Variants in USP34 observed in about 807,000 individuals in gnomAD.
USP34 encodes ubiquitin specific peptidase 34.
USP34 carries 70 observed loss-of-function variants against 460.3 expected under a neutral mutation model. That is an observed-to-expected ratio of 0.15 (90% CI 0.13 to 0.19). The LOEUF is 0.19. Among genes scored for constraint, USP34 ranks in the 10% least tolerant of loss-of-function variants. The probability of loss-of-function intolerance (pLI) is 1.00; values close to 1 mark genes in which losing one functional copy is unlikely to be tolerated. For synonymous variants in USP34, 1,647 were observed against 1,405.3 expected, an observed-to-expected ratio of 1.17 and a Z score of -3.85; for missense variants, 3,985 against 4,236.2, an observed-to-expected ratio of 0.94 and a Z score of 1.65.
At chr2:61,457,948 C>G (rs758669133) in intron 1 of USP34, among the ~76,000 whole-genome samples, 5 of 152,074 alleles carry the variant, frequency 3.3e-5, no homozygotes, top group African/African-American at 1.2e-4. Flanking sequence ...TTGATATATC[C>G]GAGAAAACAG....
intron 23 of USP34, 144 bp downstream of exon 23, chr2:61,317,510 G>C (rs1572929411): frequency 1.6e-6 from 1 of 644,708 alleles, no homozygotes; most frequent in Admixed American, 2.9e-5. Context: ...CTGAGCAACA[G>C]AGATAGACTC....
intron 18 of USP34, among the ~76,000 whole-genome samples, chr2:61,337,745 T>A (rs1691467302): frequency 6.6e-6 from 1 of 152,202 alleles, no homozygotes; most frequent in Non-Finnish European, 1.5e-5. Context: ...CATTAGCTAC[T>A]GCGCCCGGCC....
Position 61,278,272 on chromosome 2 carries a change from C to A in USP34, c.5326G>T (p.Asp1776Tyr). The A allele has an allele frequency of 6.2e-7, 1 of 1,613,468 alleles. No homozygotes were observed. Among genetic ancestry groups the A allele is most frequent in the South Asian group, 1.1e-5 (1 of 90,982 alleles). The stretch of plus-strand genomic sequence containing the variant: ...TCTTCTACATTACCATCCTGATGAT[C>A]AAGGATCTCCCTACTACAAAAAAGA... ...ADCIRSREIL[D>Y]HQDGNVEDDG... is the part of the protein sequence containing the mutation. The change falls in exon 41 of 80, where the codon GAT becomes TAT. Residue 1776 changes from aspartate (D) to tyrosine (Y), a missense_variant. By Grantham distance (160) the Asp-to-Tyr change is radical. Around this residue, in one of 14 missense-constraint regions of USP34, gnomAD observed 1,114 missense variants for 1,122.5 expected, o/e 0.99. Coordinates refer to ENST00000398571, the MANE Select transcript of USP34 (RefSeq NM_014709.4).
chr2:61,426,158 C>T (rs1221113853), intron 1 of USP34, among the ~76,000 whole-genome samples: 1 of 152,126 alleles, frequency 6.6e-6, no homozygotes, highest in East Asian at 1.9e-4. Context: ...CAGTGAGATT[C>T]AGCACATTAC....
rs192801542 is a variant in USP34 at position 61,331,390 on chromosome 2, A to C, written c.2835-19T>G. On this transcript the variant is annotated intron_variant, in intron 19 of 79. Coordinates refer to ENST00000398571, the MANE Select transcript of USP34 (RefSeq NM_014709.4). ...TGCCCACCTGGCCCAAATAAAAGAA[A>C]AAATAATTTTAAAGTGGGCAGGGTA... 7.1e-5 allele frequency: 113 copies of C among 1,601,018 alleles called. No homozygotes were observed. In the East Asian group the frequency reaches 2.4e-3, roughly 34 times the overall value.
intron 6 of USP34, among the ~76,000 whole-genome samples, chr2:61,383,059 T>TA (rs910607343): frequency 1.3e-5 from 2 of 151,890 alleles, no homozygotes; most frequent in African/African-American, 2.4e-5. Flanking sequence ...CATACTCATG[T>TA]AAAAAAAAGT....
intron 20 of USP34, among the ~76,000 whole-genome samples, chr2:61,327,546 T>C (rs1344605152): frequency 6.6e-6 from 1 of 152,240 alleles, no homozygotes; most frequent in Non-Finnish European, 1.5e-5. Context: ...TCTTGCCTTG[T>C]CTATGGGACA....
At position 61,232,362 on chromosome 2, in the gene USP34, GT is replaced by G. The variant is rs2103835050; in HGVS notation, c.7113+89del. 2.8e-6 allele frequency: 3 copies of G among 1,081,974 alleles called. No individual in the cohort carries two copies. The Admixed American group carries it at 6.4e-5, about 23-fold the overall frequency. 67.0% of individuals were successfully genotyped at this position (1,081,974 alleles called of 1,614,324 possible). On this transcript the variant is annotated intron_variant, in intron 58 of 79. Coordinates refer to ENST00000398571, the MANE Select transcript of USP34 (RefSeq NM_014709.4). The stretch of plus-strand genomic sequence containing the variant: ...CTTTTCAAACTATTATCAATATTAG[GT>G]TAAGACACACTTATAAGCAAATTGA...
intron 68 of USP34, among the ~76,000 whole-genome samples, 166 bp from the exon 69 acceptor site, chr2:61,212,095 T>G (rs1687286074): frequency 6.6e-6 from 1 of 152,156 alleles, no homozygotes; most frequent in Non-Finnish European, 1.5e-5. Context: ...ATTTAAAAAA[T>G]TTTGGCTGGG....
chr2:61,268,954 G>A (rs1689135531), intron 41 of USP34, among the ~76,000 whole-genome samples: 3 of 152,170 alleles, frequency 2.0e-5, no homozygotes, highest in South Asian at 2.1e-4. Context: ...TAAATGTAAT[G>A]TAATAACTAA....
chr2:61,291,761 A>T (rs1325332330), intron 33 of USP34, among the ~76,000 whole-genome samples: 1 of 152,218 alleles, frequency 6.6e-6, no homozygotes, highest in Non-Finnish European at 1.5e-5. Flanking sequence ...GCATATGCCA[A>T]AAAGAAGTGA....
intron 57 of USP34, among the ~76,000 whole-genome samples, chr2:61,235,450 C>G (rs189728828): frequency 3.3e-5 from 5 of 151,620 alleles, no homozygotes; most frequent in East Asian, 1.9e-4. Context: ...CTCCGCCTCC[C>G]GAGGTGCTGG....
At chr2:61,328,695 G>GCTTT (rs1281618620) in intron 20 of USP34, among the ~76,000 whole-genome samples, 2 of 152,180 alleles carry the variant, frequency 1.3e-5, no homozygotes, top group African/African-American at 4.8e-5. Flanking sequence ...CAGAAGCAAT[G>GCTTT]CTTTGCTCAC....
intron 1 of USP34, among the ~76,000 whole-genome samples, chr2:61,434,991 T>A (rs1289398122): frequency 6.6e-6 from 1 of 151,822 alleles, no homozygotes; most frequent in Admixed American, 6.6e-5. Context: ...AGGAAAATAA[T>A]TCATGATTTT....
In USP34 at chr2:61,406,009, T is replaced by C; in HGVS notation, c.251A>G (p.His84Arg). Residue 84 changes from histidine to arginine, a missense_variant, in exon 3 of 80, where the codon CAT (histidine) becomes CGT (arginine). His to Arg is a conservative substitution (Grantham distance 29). Coordinates refer to ENST00000398571, the MANE Select transcript of USP34 (RefSeq NM_014709.4). Reference sequence around the variant, plus strand: ...GGAATCTATGTTAATGGTAGTACAATGTTTACAAAGCTGGTCCCGGAGCAC... The same window carrying C: ...GGAATCTATGTTAATGGTAGTACAACGTTTACAAAGCTGGTCCCGGAGCAC... ...VQVLRDQLCK[H>R]CTTINIDSTW... 6.2e-7 allele frequency: 1 copy of C among 1,613,886 alleles called. No individual in the cohort carries two copies. Among genetic ancestry groups the C allele is most frequent in the East Asian group, 2.2e-5 (1 of 44,822 alleles).
chr2:61,434,488 C>T (rs972500793), intron 1 of USP34, among the ~76,000 whole-genome samples: 1 of 152,156 alleles, frequency 6.6e-6, no homozygotes, highest in East Asian at 1.9e-4. Flanking sequence ...GTGGCTTCAA[C>T]CCCAGCAAGC....
At chr2:61,269,481 T>C (rs1423065034) in intron 41 of USP34, among the ~76,000 whole-genome samples, 1 of 152,104 alleles carries the variant, frequency 6.6e-6, no homozygotes, top group Non-Finnish European at 1.5e-5. Context: ...TGAATAAAAG[T>C]TGCTACAGCA....
chr2:61,455,360 TAGAGAC>T (rs1457142530), intron 1 of USP34, among the ~76,000 whole-genome samples: 1 of 151,834 alleles, frequency 6.6e-6, no homozygotes, highest in Non-Finnish European at 1.5e-5. Context: ...TGTATTATAA[TAGAGAC>T]AGAATTTCAC....
intron 41 of USP34, among the ~76,000 whole-genome samples, chr2:61,267,921 A>AT (rs1558500478): frequency 6.6e-6 from 1 of 151,506 alleles, no homozygotes; most frequent in Non-Finnish European, 1.5e-5. Context: ...CACCCAGTTA[A>AT]TTTTTTGTAT....
Sources: gnomAD v4.1 joint callset for allele counts (sites outside exome capture counted in the v4.1 genomes callset) on GRCh38, gnomAD v4.1.1 for gene constraint, gnomAD v4.1.1 regional missense constraint, MANE v1.5 for transcripts, NCBI Gene and HGNC (gene_info 2026-07-23, HGNC 2026-07-21) for gene names.